The following FOXP4 variants were observed in gnomAD, a reference collection of about 807,000 sequenced individuals.
FOXP4 encodes the protein forkhead box protein P4.
In FOXP4, 25 loss-of-function variants were observed where a neutral mutation model predicts 82.6. The observed-to-expected ratio is 0.30, with a 90% confidence interval of 0.22 to 0.42. FOXP4 has a LOEUF of 0.42. FOXP4 is among the 10% of genes least tolerant of loss of function. FOXP4 has a pLI of 1.00. For missense variants in FOXP4, 785 were observed against 900.9 expected (o/e 0.87, Z 1.65); for synonymous variants, 415 against 388.2 (o/e 1.07, Z -0.81).
intron 2 of FOXP4, among the ~76,000 whole-genome samples, chr6:41,569,357 G>A (rs747332518): frequency 7.2e-5 from 11 of 152,146 alleles, no homozygotes; most frequent in Non-Finnish European, 1.6e-4. Flanking sequence ...CCCCTCCCTC[G>A]CCAAGGCAAA....
chr6:41,576,921 C>G (rs563440219), intron 2 of FOXP4, among the ~76,000 whole-genome samples: 2 of 152,258 alleles, frequency 1.3e-5, no homozygotes, highest in South Asian at 2.1e-4. Flanking sequence ...AATCTGGAAG[C>G]AGATAAATTT....
chr6:41,562,045 C>T (rs1174053354), intron 1 of FOXP4, among the ~76,000 whole-genome samples: 1 of 152,232 alleles, frequency 6.6e-6, no homozygotes, highest in Non-Finnish European at 1.5e-5. Context: ...GTCCCAGGCA[C>T]CCAGAGCCTG....
intron 15 of FOXP4, among the ~76,000 whole-genome samples, chr6:41,597,559 C>T (rs1439442690): frequency 6.6e-6 from 1 of 151,946 alleles, no homozygotes; most frequent in Non-Finnish European, 1.5e-5. Context: ...TCCAGGAAAG[C>T]TAGGAGGTAG....
At chr6:41,573,786 A>T (rs1423531293) in intron 2 of FOXP4, among the ~76,000 whole-genome samples, 1 of 152,098 alleles carries the variant, frequency 6.6e-6, no homozygotes. Context: ...AGAGATGGTG[A>T]CTTGCCCAAG....
intron 6 of FOXP4, 29 bp downstream of exon 6, chr6:41,587,185 G>GCCCCAA (rs1766186669): frequency 1.2e-6 from 2 of 1,608,626 alleles, no homozygotes; most frequent in Admixed American, 1.7e-5. Flanking sequence ...TCCCCTCCCA[G>GCCCCAA]CCCCAACCCC....
chr6:41,559,287 A>G (rs1764439216), intron 1 of FOXP4, among the ~76,000 whole-genome samples: 1 of 152,232 alleles, frequency 6.6e-6, no homozygotes, highest in South Asian at 2.1e-4. Context: ...TAAGCTTCAC[A>G]AGAGCAAGCC....
At chr6:41,564,145 C>T (rs980228658) in intron 1 of FOXP4, among the ~76,000 whole-genome samples, 1 of 152,218 alleles carries the variant, frequency 6.6e-6, no homozygotes, top group Non-Finnish European at 1.5e-5. Context: ...TTTAGAACAG[C>T]TTTTCATACT....
In FOXP4 at chr6:41,558,836, CTG is replaced by C. The variant is rs1764418207; in HGVS notation, c.-16-6907_-16-6906del. 6.6e-6 allele frequency among the ~76,000 whole-genome samples: 1 copy of C among 152,224 alleles called. No individual in the cohort carries two copies. The highest frequency in any genetic ancestry group is 6.5e-5 in the Admixed American group (1 of 15,276). On this transcript the variant is annotated intron_variant, in intron 1 of 16. Coordinates refer to ENST00000307972, the MANE Select transcript of FOXP4 (RefSeq NM_001012426.2). The surrounding 1 kb of genome is among the most constrained non-coding windows in gnomAD (Gnocchi z 4.0). ...AGGGCTCGTTGCTCTGAAAAGCCCTCTGTTTTATATCTCTTGACACAAGTAAG... is the reference window on the plus strand; with the variant it reads ...AGGGCTCGTTGCTCTGAAAAGCCCTCTTTTATATCTCTTGACACAAGTAAG...
At chr6:41,577,878 C>G (rs1234041342) in intron 2 of FOXP4, 108 bp from the exon 3 acceptor site, 6 of 737,718 alleles carry the variant, frequency 8.1e-6, no homozygotes, top group Non-Finnish European at 1.4e-5. Context: ...ACCCCCAAGA[C>G]CTTCCACCTT....
intron 2 of FOXP4, chr6:41,570,351 T>C: frequency 2.1e-6 from 1 of 471,214 alleles, no homozygotes; most frequent in Non-Finnish European, 4.4e-6. Context: ...TACCAGCTGC[T>C]GGGGAATGCT....
At chr6:41,560,563 C>G (rs1764515338) in intron 1 of FOXP4, among the ~76,000 whole-genome samples, 1 of 152,218 alleles carries the variant, frequency 6.6e-6, no homozygotes, top group African/African-American at 2.4e-5. Flanking sequence ...GACGCGCGCC[C>G]AGGAGCGCGC....
rs374773210 is a variant in FOXP4 at position 41,588,635 on chromosome 6, C to T, written c.978-9C>T. 153 of 1,613,876 alleles carry T rather than the reference C, an allele frequency of 9.5e-5. No individual in the cohort carries two copies. The highest frequency in any genetic ancestry group is 1.2e-4 in the Non-Finnish European group (144 of 1,179,928). On this transcript the variant is annotated splice_polypyrimidine_tract_variant and intron_variant, in intron 8 of 16. Transcript: ENST00000307972. Reference sequence around the variant, plus strand: ...GCCAACTTTCTCTCCTCCTCTCTTCCCCTTGAAGACACCTCAACACAGAGC... The same window carrying T: ...GCCAACTTTCTCTCCTCCTCTCTTCTCCTTGAAGACACCTCAACACAGAGC...
intron 3 of FOXP4, among the ~76,000 whole-genome samples, 166 bp downstream of exon 3, chr6:41,578,247 T>G (rs1233578205): frequency 6.6e-6 from 1 of 152,068 alleles, no homozygotes. Context: ...GCAAAAAGGC[T>G]TCCCACTTTC....
chr6:41,597,224 A>C lies in FOXP4; in HGVS notation c.1707A>C (p.Ala569=). The C allele has an allele frequency of 6.2e-7, 1 of 1,614,152 alleles. No homozygotes were observed. Among genetic ancestry groups the C allele is most frequent in the Non-Finnish European group, 8.5e-7 (1 of 1,180,024 alleles). ...KNMISGLSYG[A]LNASYQAALA... ...TGATCTCTGGCCTCAGCTATGGAGC[A>C]CTTAATGCCAGCTACCAGGTGACCT... Residue 569 remains alanine, a synonymous_variant, in exon 15 of 17, where the codon GCA becomes GCC. Transcript: ENST00000307972.
rs1457939255 is a variant in FOXP4, at chr6:41,558,097, G to A, written c.-16-7648G>A. ...GCCAGGAACTCAGGCAGAGATGGGG[G>A]TACAGAGGGAAGTCCAGCGTGCCAG... On this transcript the variant is annotated intron_variant, in intron 1 of 16. Transcript: ENST00000307972. This position sits in a 1 kb window ranked among gnomAD's most constrained non-coding sequence, Gnocchi z 4.0. Among the ~76,000 whole-genome samples the A allele has an allele frequency of 6.6e-6, 1 of 152,144 alleles. No individual in the cohort carries two copies. Among genetic ancestry groups the A allele is most frequent in the East Asian group, 1.9e-4 (1 of 5,184 alleles).
At chr6:41,554,362 C>A (rs1411179933) in intron 1 of FOXP4, among the ~76,000 whole-genome samples, 1 of 152,196 alleles carries the variant, frequency 6.6e-6, no homozygotes, top group Non-Finnish European at 1.5e-5. Context: ...AAACCCAAGC[C>A]CTGTCAACAC....
chr6:41,556,444 C>A (rs1764281055), intron 1 of FOXP4, among the ~76,000 whole-genome samples: 2 of 151,540 alleles, frequency 1.3e-5, no homozygotes, highest in East Asian at 3.9e-4. Context: ...CTGCCTCAGT[C>A]TCCTGAGTAG....
chr6:41,556,626 C>T (rs576666426), intron 1 of FOXP4, among the ~76,000 whole-genome samples: 1 of 152,046 alleles, frequency 6.6e-6, no homozygotes, highest in South Asian at 2.1e-4. Flanking sequence ...GCCCGGCAAG[C>T]GAATGGTTTT....
intron 2 of FOXP4, among the ~76,000 whole-genome samples, chr6:41,571,667 C>T (rs1274189694): frequency 3.3e-5 from 5 of 152,150 alleles, no homozygotes; most frequent in Non-Finnish European, 7.4e-5. Flanking sequence ...ACAGCCTTTT[C>T]CAAAAAGCTT....
Sources: gnomAD v4.1 joint callset for allele counts (sites outside exome capture counted in the v4.1 genomes callset) on GRCh38, gnomAD v4.1.1 for gene constraint, Gnocchi (gnomAD v3.1) non-coding constraint, MANE v1.5 for transcripts, NCBI Gene and HGNC (gene_info 2026-07-23, HGNC 2026-07-21) for gene names.